TAFA5: variants seen among roughly 807,000 people sequenced by gnomAD.
TAFA5 encodes TAFA chemokine like family member 5, also known as chemokine-like protein TAFA-5.
Under a neutral mutation model 15.3 loss-of-function variants are expected in TAFA5, and 6 were observed. That is an observed-to-expected ratio of 0.39 (90% CI 0.21 to 0.77). TAFA5 has a LOEUF of 0.77. TAFA5 is among the 30% of genes least tolerant of loss of function. The probability of loss-of-function intolerance (pLI) is 0.41; values close to 1 mark genes in which losing one functional copy is unlikely to be tolerated. For missense variants in TAFA5, 161 were observed against 193.1 expected, an observed-to-expected ratio of 0.83 and a Z score of 0.98; for synonymous variants, 103 against 80.7, an observed-to-expected ratio of 1.28 and a Z score of -1.48.
intron 3 of TAFA5, among the ~76,000 whole-genome samples, chr22:48,744,366 C>T (rs1930266796): frequency 6.6e-6 from 1 of 152,198 alleles, no homozygotes; most frequent in Admixed American, 6.5e-5. Flanking sequence ...GCAGCTTCAC[C>T]TCCTGAAAAG....
At chr22:48,576,425 G>C (rs930559471) in intron 1 of TAFA5, 41 of 1,301,578 alleles carry the variant, frequency 3.2e-5, no homozygotes, top group Non-Finnish European at 4.1e-5. Flanking sequence ...CGCTGATGCG[G>C]CGCCTGGACC....
chr22:48,499,597 G>T (rs530419137), intron 1 of TAFA5, among the ~76,000 whole-genome samples: 26 of 152,196 alleles, frequency 1.7e-4, no homozygotes, highest in Non-Finnish European at 2.9e-4. Flanking sequence ...CCCTCCGCAG[G>T]GGGGTGGCGC....
intron 3 of TAFA5, among the ~76,000 whole-genome samples, chr22:48,716,239 T>C (rs1414961276): frequency 6.6e-6 from 1 of 152,182 alleles, no homozygotes; most frequent in South Asian, 2.1e-4. Context: ...TGCAGCACTA[T>C]TTACAATAGC....
At chr22:48,699,224 T>A (rs145724349) in intron 2 of TAFA5, among the ~76,000 whole-genome samples, 15 of 152,274 alleles carry the variant, frequency 9.9e-5, no homozygotes, top group East Asian at 1.9e-4. Flanking sequence ...TGAGCCACCG[T>A]GCCCTGCTGA....
intron 1 of TAFA5, among the ~76,000 whole-genome samples, chr22:48,523,720 C>T (rs1342275890): frequency 6.6e-6 from 1 of 152,228 alleles, no homozygotes; most frequent in Non-Finnish European, 1.5e-5. Flanking sequence ...CCCAGGAACC[C>T]CTATTCCTGG....
intron 1 of TAFA5, chr22:48,544,052 G>C (rs1196888284): frequency 1.3e-5 from 2 of 153,038 alleles, no homozygotes; most frequent in African/African-American, 4.8e-5. Flanking sequence ...GGGTACCTGG[G>C]TGCTCAGCAG....
rs1260095756 is a variant in TAFA5 at position 48,598,555 on chromosome 22, G to T, written c.113-48042G>T. On this transcript the variant is annotated intron_variant, in intron 1 of 3. Transcript: ENST00000402357. This position sits in a 1 kb window ranked among gnomAD's most constrained non-coding sequence, Gnocchi z 4.0. Reference sequence around the variant, plus strand: ...GGCTGCATCTTAGGCAGTTGTGTGAGATGACCTCCATGTAGGCTGCCATGG... The same window carrying T: ...GGCTGCATCTTAGGCAGTTGTGTGATATGACCTCCATGTAGGCTGCCATGG... Among the ~76,000 whole-genome samples, 1 of 152,162 alleles carries T rather than the reference G, an allele frequency of 6.6e-6. No individual in the cohort carries two copies. Among genetic ancestry groups the T allele is most frequent in the Non-Finnish European group, 1.5e-5 (1 of 68,038 alleles).
intron 1 of TAFA5, among the ~76,000 whole-genome samples, chr22:48,630,965 G>A (rs544571232): frequency 1.2e-4 from 19 of 152,314 alleles, no homozygotes; most frequent in Middle Eastern, 3.4e-3. Flanking sequence ...CAGGGTCACC[G>A]AGGACAGGGG....
intron 3 of TAFA5, among the ~76,000 whole-genome samples, chr22:48,747,531 C>T (rs1270655477): frequency 6.6e-6 from 1 of 152,128 alleles, no homozygotes; most frequent in Non-Finnish European, 1.5e-5. Flanking sequence ...GAGGTGGCAC[C>T]ATGGTCTTCA....
In TAFA5 at chr22:48,698,920, G is replaced by A. The variant is rs554053185; in HGVS notation, c.263-8797G>A. ...CCAGAGCCCTGTTCCTCAGACCTAA[G>A]TAATGTGGCAATGCTTTTTTTTTTT... On this transcript the variant is annotated intron_variant, in intron 2 of 3. Coordinates refer to ENST00000402357, the MANE Select transcript of TAFA5 (RefSeq NM_001082967.3). Among the ~76,000 whole-genome samples the A allele has an allele frequency of 7.8e-5, 11 of 141,802 alleles. No homozygotes were observed. In the East Asian group the frequency reaches 2.4e-3, roughly 31 times the overall value. 93.0% of individuals were successfully genotyped at this position (141,802 alleles called of 152,430 possible). A position where few individuals can be genotyped will look rare whatever the true frequency, so the allele number is the denominator to read the frequency against.
chr22:48,619,982 G>T (rs1395030151), intron 1 of TAFA5, among the ~76,000 whole-genome samples: 2 of 152,192 alleles, frequency 1.3e-5, no homozygotes, highest in African/African-American at 2.4e-5. Context: ...ATGTGGGTTG[G>T]AGATTTGCCT....
chr22:48,698,146 ATGG>A (rs1004985339), intron 2 of TAFA5, among the ~76,000 whole-genome samples: 5 of 145,726 alleles, frequency 3.4e-5, no homozygotes, highest in Admixed American at 1.4e-4. Flanking sequence ...TGATTATGTG[ATGG>A]TGATGATGAT....
At chr22:48,744,514 A>G (rs1354220447) in intron 3 of TAFA5, among the ~76,000 whole-genome samples, 2 of 152,204 alleles carry the variant, frequency 1.3e-5, no homozygotes, top group East Asian at 3.9e-4. Flanking sequence ...GTCCCAGTCA[A>G]GTTGTAGAGC....
chr22:48,602,790 G>A (rs924872791), intron 1 of TAFA5, among the ~76,000 whole-genome samples: 6 of 152,200 alleles, frequency 3.9e-5, no homozygotes, highest in African/African-American at 1.2e-4. Context: ...AAGTCAGTGG[G>A]TGCCAAGAGA....
At chr22:48,514,030 G>T (rs1921316714) in intron 1 of TAFA5, among the ~76,000 whole-genome samples, 1 of 152,130 alleles carries the variant, frequency 6.6e-6, no homozygotes, top group African/African-American at 2.4e-5. Context: ...AGGTCTCTCG[G>T]GGGTGTAGAC....
chr22:48,559,490 G>A (rs540648577), intron 1 of TAFA5, among the ~76,000 whole-genome samples: 16 of 152,270 alleles, frequency 1.1e-4, no homozygotes, highest in African/African-American at 3.4e-4. Context: ...CTCTGACCCT[G>A]GTGGTCCTGG....
At chr22:48,602,516 C>A (rs775981317) in intron 1 of TAFA5, among the ~76,000 whole-genome samples, 1 of 152,218 alleles carries the variant, frequency 6.6e-6, no homozygotes, top group Non-Finnish European at 1.5e-5. Context: ...TTGAGTACCT[C>A]TCACCCCCTT....
intron 1 of TAFA5, among the ~76,000 whole-genome samples, chr22:48,608,735 C>A (rs1925289132): frequency 6.6e-6 from 1 of 152,186 alleles, no homozygotes; most frequent in Non-Finnish European, 1.5e-5. Context: ...TGAGGAACTG[C>A]AGAGTGCCGT....
intron 1 of TAFA5, among the ~76,000 whole-genome samples, chr22:48,562,448 T>C (rs1277424339): frequency 1.3e-5 from 2 of 152,160 alleles, no homozygotes; most frequent in Non-Finnish European, 2.9e-5. Context: ...CCGCGGAGCC[T>C]TTCTAGAAAA....
Sources: allele counts gnomAD v4.1 joint callset (sites outside exome capture counted in the v4.1 genomes callset), GRCh38; gene constraint gnomAD v4.1.1; non-coding constraint Gnocchi (gnomAD v3.1); transcripts MANE v1.5; gene names NCBI Gene and HGNC (gene_info 2026-07-23, HGNC 2026-07-21).